ADARB2: variants seen among roughly 807,000 people sequenced by gnomAD.
ADARB2 encodes inactive double-stranded RNA-specific editase B2.
ADARB2 carries 25 observed loss-of-function variants against 62.2 expected under a neutral mutation model. The observed-to-expected ratio is 0.40, with a 90% CI of 0.29 to 0.56. The LOEUF (loss-of-function observed/expected upper bound fraction) is 0.56. Among genes scored for constraint, ADARB2 ranks in the 20% least tolerant of loss-of-function variants. The probability of loss-of-function intolerance (pLI) is 0.43; values close to 1 mark genes in which losing one functional copy is unlikely to be tolerated. For missense variants in ADARB2, 1,071 were observed against 1,077.4 expected (o/e 0.99, Z 0.08); for synonymous variants, 572 against 500.8 (o/e 1.14, Z -1.90).
At chr10:1,241,467 CAGGA>C (rs969680800) in intron 5 of ADARB2, among the ~76,000 whole-genome samples, 1 of 152,132 alleles carries the variant, frequency 6.6e-6, no homozygotes, top group Non-Finnish European at 1.5e-5. Context: ...ACAGCAGACA[CAGGA>C]GGGAGCGTTT....
At chr10:1,340,339 G>A (rs76261932) in intron 3 of ADARB2, among the ~76,000 whole-genome samples, 34 of 72,960 alleles carry the variant, frequency 4.7e-4, no homozygotes, top group African/African-American at 8.1e-4. Context: ...AGAACCACGC[G>A]CCCCACAGCG....
At position 1,363,130 on chromosome 10, in the gene ADARB2, C is replaced by G; in HGVS notation, c.975G>C (p.Lys325Asn). Residue 325 changes from lysine to asparagine, a missense_variant, in exon 3 of 10, where the codon AAG becomes AAC. Physicochemically the swap from Lys to Asn is moderately conservative, Grantham distance 94 (BLOSUM62 0). Transcript: ENST00000381312. ...RTFEGSGRSKKLARGQAAQAA... is the reference protein window; with the variant it reads ...RTFEGSGRSKNLARGQAAQAA... ...CCTGCGCGGCCTGACCCCGGGCCAG[C>G]TTCTTGCTGCGCCCCGAGCCCTCGA... 1 of 1,547,076 alleles carries G rather than the reference C, an allele frequency of 6.5e-7. No homozygotes were observed. Among genetic ancestry groups the G allele is most frequent in the South Asian group, 1.2e-5 (1 of 85,316 alleles).
chr10:1,715,118 T>A (rs923223762), intron 1 of ADARB2, among the ~76,000 whole-genome samples: 1 of 150,720 alleles, frequency 6.6e-6, no homozygotes, highest in African/African-American at 2.4e-5. Flanking sequence ...AATAACCTAA[T>A]TCTTTTCTCT....
chr10:1,348,523 G>A (rs1410843414), intron 3 of ADARB2, among the ~76,000 whole-genome samples: 4 of 152,172 alleles, frequency 2.6e-5, no homozygotes, highest in African/African-American at 9.7e-5. Context: ...GCCCTTGGCC[G>A]GGAGGTGCCT....
In ADARB2 at chr10:1,605,098, T is replaced by A. The variant is rs114544987; in HGVS notation, c.100+131953A>T. Among the ~76,000 whole-genome samples, 717 of 152,346 alleles carry A rather than the reference T, an allele frequency of 4.7e-3. 2 individuals are homozygous for A. The highest frequency in any genetic ancestry group is 0.016 in the African/African-American group (659 of 41,580). The stretch of plus-strand genomic sequence containing the variant: ...CAATTTTTCGTAGGGATGATGGAAA[T>A]GTCATCTACATAAAGCCAGACCGAA... On this transcript the variant is annotated intron_variant, in intron 1 of 9. Coordinates refer to ENST00000381312, the MANE Select transcript of ADARB2 (RefSeq NM_018702.4).
intron 1 of ADARB2, among the ~76,000 whole-genome samples, chr10:1,580,879 G>T (rs1050819601): frequency 3.9e-5 from 6 of 152,202 alleles, no homozygotes; most frequent in Non-Finnish European, 8.8e-5. Flanking sequence ...GTGCACTTAA[G>T]ATTCCTCCAG....
At chr10:1,517,457 C>T (rs1424055250) in intron 1 of ADARB2, among the ~76,000 whole-genome samples, 1 of 152,204 alleles carries the variant, frequency 6.6e-6, no homozygotes, top group African/African-American at 2.4e-5. Context: ...TAGAATTCCA[C>T]TTGGAGGTTC....
intron 1 of ADARB2, among the ~76,000 whole-genome samples, chr10:1,684,324 A>G (rs1834575187): frequency 6.6e-6 from 1 of 152,214 alleles, no homozygotes; most frequent in South Asian, 2.1e-4. Flanking sequence ...CTGTACGAAA[A>G]CCTAAAAACA....
At chr10:1,378,077 T>G (rs1028975426) in intron 2 of ADARB2, among the ~76,000 whole-genome samples, 12 of 152,114 alleles carry the variant, frequency 7.9e-5, no homozygotes, top group African/African-American at 2.9e-4. Flanking sequence ...CCAGGTGGTG[T>G]TAAAATTTGA....
intron 1 of ADARB2, among the ~76,000 whole-genome samples, chr10:1,670,442 G>C (rs1278733370): frequency 1.3e-5 from 2 of 152,200 alleles, no homozygotes; most frequent in African/African-American, 4.8e-5. Context: ...ACTGAGATTT[G>C]TTCCAGTAAG....
At chr10:1,710,339 C>A (rs1834935566) in intron 1 of ADARB2, among the ~76,000 whole-genome samples, 2 of 152,158 alleles carry the variant, frequency 1.3e-5, no homozygotes, top group South Asian at 4.2e-4. Flanking sequence ...GAGGCTGGGG[C>A]CTTGTGTGAC....
At chr10:1,634,821 T>TTAA (rs1833893396) in intron 1 of ADARB2, among the ~76,000 whole-genome samples, 1 of 152,208 alleles carries the variant, frequency 6.6e-6, no homozygotes, top group East Asian at 1.9e-4. Context: ...CAAATATTCA[T>TTAA]TAATAGTCCA....
chr10:1,286,504 C>G (rs1049081255), intron 3 of ADARB2, among the ~76,000 whole-genome samples: 1 of 152,138 alleles, frequency 6.6e-6, no homozygotes, highest in Non-Finnish European at 1.5e-5. Context: ...CTCAAATTAC[C>G]TAAAGGCGGA....
intron 7 of ADARB2, among the ~76,000 whole-genome samples, chr10:1,208,780 AG>A (rs1357043294): frequency 6.6e-6 from 1 of 152,216 alleles, no homozygotes; most frequent in Non-Finnish European, 1.5e-5. Flanking sequence ...TAAGTGCCAC[AG>A]GGAGGGCCTG....
At chr10:1,574,969 T>G (rs111701697) in intron 1 of ADARB2, among the ~76,000 whole-genome samples, 1,084 of 29,336 alleles carry the variant, frequency 0.037, 20 homozygotes, top group African/African-American at 0.15. Flanking sequence ...GGGGCTGAGT[T>G]GACAGAAAAA....
intron 1 of ADARB2, among the ~76,000 whole-genome samples, chr10:1,436,056 C>G (rs1432970810): frequency 6.6e-6 from 1 of 152,068 alleles, no homozygotes; most frequent in Non-Finnish European, 1.5e-5. Flanking sequence ...AGGCTCGAGC[C>G]CCCGTCATCA....
At chr10:1,597,639 G>A (rs1833352038) in intron 1 of ADARB2, among the ~76,000 whole-genome samples, 1 of 152,238 alleles carries the variant, frequency 6.6e-6, no homozygotes, top group Non-Finnish European at 1.5e-5. Flanking sequence ...TGGTGAGCTT[G>A]TGAAGCAAAG....
At chr10:1,554,611 A>C (rs1174681611) in intron 1 of ADARB2, among the ~76,000 whole-genome samples, 1 of 152,114 alleles carries the variant, frequency 6.6e-6, no homozygotes, top group Non-Finnish European at 1.5e-5. Context: ...CACAGCCCCC[A>C]ACGGTACTTC....
intron 7 of ADARB2, among the ~76,000 whole-genome samples, chr10:1,211,388 A>G (rs1223299344): frequency 6.6e-6 from 1 of 151,334 alleles, no homozygotes; most frequent in Non-Finnish European, 1.5e-5. Context: ...CTATCCATCT[A>G]TCTGTCTGTC....
Sources: gnomAD v4.1 joint callset for allele counts (sites outside exome capture counted in the v4.1 genomes callset) on GRCh38, gnomAD v4.1.1 for gene constraint, MANE v1.5 for transcripts, NCBI Gene and HGNC (gene_info 2026-07-23, HGNC 2026-07-21) for gene names.